Variants in HCN1 observed in about 807,000 individuals in gnomAD.
HCN1 encodes the protein potassium/sodium hyperpolarization-activated cyclic nucleotide-gated channel 1.
In HCN1, 13 loss-of-function variants were observed where a neutral mutation model predicts 78.9. The ratio of observed to expected loss-of-function variants is 0.16; its 90% confidence interval spans 0.11 to 0.26. The LOEUF (loss-of-function observed/expected upper bound fraction) is 0.26, where lower values mean the gene tolerates loss of function less well. Ranked by LOEUF, HCN1 falls within the 10% of genes least tolerant of loss-of-function variation. The pLI is 1.00. For missense variants in HCN1, 810 were observed against 1,154.3 expected (o/e 0.70, Z 4.32); for synonymous variants, 552 against 455.5 (o/e 1.21, Z -2.70).
At position 45,568,458 on chromosome 5, in the gene HCN1, G is replaced by A. The variant is rs532568041; in HGVS notation, c.849+76727C>T. On this transcript the variant is annotated intron_variant, in intron 2 of 7. Transcript: ENST00000303230. ...GAAATAGAACTGGTCCCAGAATAAC[G>A]CTCTGTGCCTTAGTTTCTTCATCAT... is the stretch of plus-strand genomic sequence containing the variant. 3.7e-4 allele frequency among the ~76,000 whole-genome samples: 57 copies of A among 152,060 alleles called. No individual in the cohort carries two copies. The South Asian group carries it at 0.011, about 28-fold the overall frequency.
chr5:45,375,945 C>T (rs531429496), intron 4 of HCN1, among the ~76,000 whole-genome samples: 43 of 111,930 alleles, frequency 3.8e-4, no homozygotes, highest in South Asian at 5.4e-4. Context: ...TATTTTATCA[C>T]ATATATTATA....
At chr5:45,369,130 A>G (rs1747297214) in intron 4 of HCN1, among the ~76,000 whole-genome samples, 1 of 151,810 alleles carries the variant, frequency 6.6e-6, no homozygotes, top group Admixed American at 6.6e-5. Flanking sequence ...AATGTTTCCA[A>G]GATATATTCA....
At chr5:45,363,119 T>C (rs1747154085) in intron 4 of HCN1, among the ~76,000 whole-genome samples, 1 of 138,444 alleles carries the variant, frequency 7.2e-6, no homozygotes, top group Admixed American at 7.8e-5. Context: ...TTACATATTA[T>C]ATATATAACA....
chr5:45,478,450 G>T (rs1263866822), intron 2 of HCN1, among the ~76,000 whole-genome samples: 1 of 152,160 alleles, frequency 6.6e-6, no homozygotes, highest in African/African-American at 2.4e-5. Flanking sequence ...AACACAGATG[G>T]CTTGTCCGAA....
At chr5:45,599,401 G>C (rs974781915) in intron 2 of HCN1, among the ~76,000 whole-genome samples, 6 of 150,136 alleles carry the variant, frequency 4.0e-5, no homozygotes, top group Non-Finnish European at 7.4e-5. Flanking sequence ...ACACAGCAAG[G>C]CATGTCAGGG....
chr5:45,518,362 A>G (rs908447976), intron 2 of HCN1, among the ~76,000 whole-genome samples: 1 of 152,028 alleles, frequency 6.6e-6, no homozygotes, highest in Admixed American at 6.6e-5. Flanking sequence ...CAGTCTCCCC[A>G]CATTGTTCAA....
intron 2 of HCN1, among the ~76,000 whole-genome samples, chr5:45,473,413 A>C (rs1345290441): frequency 6.6e-6 from 1 of 151,872 alleles, no homozygotes; most frequent in African/African-American, 2.4e-5. Context: ...TGCTTACCTC[A>C]ATCATGAGAA....
At chr5:45,421,303 C>T (rs926768068) in intron 3 of HCN1, among the ~76,000 whole-genome samples, 1 of 152,114 alleles carries the variant, frequency 6.6e-6, no homozygotes, top group Admixed American at 6.5e-5. Context: ...ATCTCGTGAT[C>T]CACCCGCCTG....
chr5:45,415,716 C>T (rs1740104560), intron 3 of HCN1, among the ~76,000 whole-genome samples: 1 of 151,962 alleles, frequency 6.6e-6, no homozygotes, highest in South Asian at 2.1e-4. Context: ...TCTAAATGGC[C>T]ACAGCACTTG....
At chr5:45,689,857 G>A (rs995988841) in intron 1 of HCN1, among the ~76,000 whole-genome samples, 1 of 152,062 alleles carries the variant, frequency 6.6e-6, no homozygotes, top group African/African-American at 2.4e-5. Flanking sequence ...ATGAAATGGA[G>A]GACAGGTTAC....
intron 5 of HCN1, among the ~76,000 whole-genome samples, chr5:45,338,511 C>A (rs1049587207): frequency 6.6e-6 from 1 of 152,086 alleles, no homozygotes; most frequent in African/African-American, 2.4e-5. Flanking sequence ...TCACAAAATA[C>A]ATATCAAATA....
At chr5:45,629,228 G>A (rs1317935083) in intron 2 of HCN1, among the ~76,000 whole-genome samples, 1 of 151,824 alleles carries the variant, frequency 6.6e-6, no homozygotes, top group Admixed American at 6.6e-5. Flanking sequence ...ATGGAGAAAG[G>A]CAAAATCATT....
At position 45,445,218 on chromosome 5, in the gene HCN1, G is replaced by A. The variant is rs562377801; in HGVS notation, c.1011+16628C>T. Reference sequence around the variant, plus strand: ...TTTTCTGACGGGCTTAGAAAACGGCGCACCAGGAGATTATATCCCGCACCT... The same window carrying A: ...TTTTCTGACGGGCTTAGAAAACGGCACACCAGGAGATTATATCCCGCACCT... On this transcript the variant is annotated intron_variant, in intron 3 of 7. Coordinates refer to ENST00000303230, the MANE Select transcript of HCN1 (RefSeq NM_021072.4). Among the ~76,000 whole-genome samples, 97 of 152,274 alleles carry A rather than the reference G, an allele frequency of 6.4e-4. 1 individual carries two copies. The highest frequency in any genetic ancestry group is 1.7e-3 in the South Asian group (8 of 4,826).
chr5:45,461,113 G>A (rs1375154779), intron 3 of HCN1, among the ~76,000 whole-genome samples: 1 of 151,886 alleles, frequency 6.6e-6, no homozygotes, highest in Non-Finnish European at 1.5e-5. Context: ...GAACACATAT[G>A]TGTGTATATA....
At chr5:45,545,717 T>C (rs913310507) in intron 2 of HCN1, among the ~76,000 whole-genome samples, 4 of 152,164 alleles carry the variant, frequency 2.6e-5, no homozygotes, top group Non-Finnish European at 5.9e-5. Context: ...CTTTTCCCCA[T>C]TTCTTGTTTT....
chr5:45,374,148 A>T (rs1455634234), intron 4 of HCN1, among the ~76,000 whole-genome samples: 1 of 119,550 alleles, frequency 8.4e-6, no homozygotes, highest in Non-Finnish European at 1.6e-5. Context: ...TACATATTAT[A>T]TATAATATAC....
intron 4 of HCN1, among the ~76,000 whole-genome samples, chr5:45,372,140 A>ATAATTATATATTATATATATAATATAATT (rs372774682): frequency 1.9e-5 from 1 of 53,686 alleles, no homozygotes; most frequent in Non-Finnish European, 2.8e-5. Flanking sequence ...ATAATATAAT[A>ATAATTATATATTATATATATAATATAATT]ATATATTATA....
intron 5 of HCN1, among the ~76,000 whole-genome samples, chr5:45,315,506 T>C (rs946755589): frequency 5.3e-5 from 8 of 151,962 alleles, no homozygotes; most frequent in African/African-American, 1.9e-4. Flanking sequence ...TTAAAAGAAC[T>C]AGAAAAGCAA....
At chr5:45,351,321 A>G (rs1177403282) in intron 5 of HCN1, among the ~76,000 whole-genome samples, 1 of 143,666 alleles carries the variant, frequency 7.0e-6, no homozygotes, top group South Asian at 2.2e-4. Flanking sequence ...GTGGCTAGCC[A>G]TATGTAGAAA....
Sources: allele counts gnomAD v4.1 joint callset (sites outside exome capture counted in the v4.1 genomes callset), GRCh38; gene constraint gnomAD v4.1.1; transcripts MANE v1.5; gene names NCBI Gene and HGNC (gene_info 2026-07-23, HGNC 2026-07-21).